KAZN: variants seen among roughly 807,000 people sequenced by gnomAD.
KAZN encodes the protein kazrin.
In KAZN, 40 loss-of-function variants were observed where a neutral mutation model predicts 87.4. That is an observed-to-expected ratio of 0.46 (90% confidence interval 0.36 to 0.60). The LOEUF (loss-of-function observed/expected upper bound fraction) is 0.60, where lower values mean the gene tolerates loss of function less well. KAZN is among the 20% of genes least tolerant of loss of function. KAZN has a pLI of 0.00. For missense variants in KAZN, 898 were observed against 1,073.9 expected, an observed-to-expected ratio of 0.84 and a Z score of 2.29; for synonymous variants, 466 against 458.3, an observed-to-expected ratio of 1.02 and a Z score of -0.22.
intron 1 of KAZN, among the ~76,000 whole-genome samples, chr1:14,874,227 A>T (rs771228499): frequency 3.3e-5 from 5 of 152,168 alleles, no homozygotes; most frequent in Non-Finnish European, 5.9e-5. Flanking sequence ...GAGTCCTCCA[A>T]CATTTGGAGG....
chr1:14,082,270 C>T (rs1643703481), intron 1 of KAZN, among the ~76,000 whole-genome samples: 1 of 152,204 alleles, frequency 6.6e-6, no homozygotes, highest in Non-Finnish European at 1.5e-5. Flanking sequence ...TGCTTGGAAT[C>T]AAATCCTACC....
intron 2 of KAZN, among the ~76,000 whole-genome samples, chr1:14,188,192 A>AGGGTGTGTGT (rs1553141838): frequency 1.2e-5 from 1 of 82,052 alleles, no homozygotes; most frequent in Non-Finnish European, 2.6e-5. Flanking sequence ...GAGAGAGAGG[A>AGGGTGTGTGT]GCGTGTGTGT....
intron 1 of KAZN, among the ~76,000 whole-genome samples, chr1:14,102,000 G>A (rs147345249): frequency 0.013 from 1,996 of 152,018 alleles, 57 homozygotes; most frequent in African/African-American, 0.045. Context: ...TGAACTTCAG[G>A]ATATTTTTAA....
chr1:14,286,237 G>C (rs182977364), intron 2 of KAZN, among the ~76,000 whole-genome samples: 19 of 151,532 alleles, frequency 1.3e-4, no homozygotes, highest in Admixed American at 1.2e-3. Context: ...CATTCTCCCC[G>C]TGTCTACACA....
At chr1:14,340,822 T>C (rs1657631647) in intron 2 of KAZN, among the ~76,000 whole-genome samples, 1 of 151,630 alleles carries the variant, frequency 6.6e-6, no homozygotes, top group Non-Finnish European at 1.5e-5. Context: ...GGTTCCTTCA[T>C]TATGAGTAAA....
intron 2 of KAZN, among the ~76,000 whole-genome samples, chr1:14,519,427 A>C (rs1238808284): frequency 6.6e-6 from 1 of 152,220 alleles, no homozygotes; most frequent in Non-Finnish European, 1.5e-5. Flanking sequence ...AGCCAAGAGC[A>C]GCATACATGT....
At chr1:14,408,575 G>A (rs915793221) in intron 2 of KAZN, among the ~76,000 whole-genome samples, 11 of 152,152 alleles carry the variant, frequency 7.2e-5, no homozygotes, top group South Asian at 2.1e-4. Flanking sequence ...AGGTTCCATC[G>A]TCTCAACTGT....
intron 8 of KAZN, among the ~76,000 whole-genome samples, chr1:15,073,783 C>A (rs1639619824): frequency 6.6e-6 from 1 of 152,246 alleles, no homozygotes; most frequent in Admixed American, 6.5e-5. Flanking sequence ...CTGACTGAGA[C>A]TTCTGTCCGG....
At chr1:14,736,262 T>G (rs1047663026) in intron 1 of KAZN, among the ~76,000 whole-genome samples, 3 of 94,138 alleles carry the variant, frequency 3.2e-5, no homozygotes, top group Non-Finnish European at 4.4e-5. Context: ...AGGGTGTGTG[T>G]GTGTGTGTGT....
chr1:14,483,713 G>C (rs751507116), intron 2 of KAZN, among the ~76,000 whole-genome samples: 1 of 152,220 alleles, frequency 6.6e-6, no homozygotes, highest in South Asian at 2.1e-4. Flanking sequence ...CCATTCAATA[G>C]GTTGTCTCTT....
intron 1 of KAZN, among the ~76,000 whole-genome samples, chr1:14,679,105 C>A (rs1291267388): frequency 6.6e-6 from 1 of 152,118 alleles, no homozygotes; most frequent in African/African-American, 2.4e-5. Flanking sequence ...TGCCTTTATT[C>A]GGGTATGGTG....
At chr1:14,515,585 G>C (rs1671257876) in intron 2 of KAZN, among the ~76,000 whole-genome samples, 4 of 152,112 alleles carry the variant, frequency 2.6e-5, no homozygotes, top group African/African-American at 9.7e-5. Context: ...CTCACTCACT[G>C]AGCTCCAGGC....
chr1:14,636,037 A>C (rs1020767725), intron 1 of KAZN, among the ~76,000 whole-genome samples: 2 of 152,220 alleles, frequency 1.3e-5, no homozygotes, highest in Non-Finnish European at 2.9e-5. Flanking sequence ...CCCCTCCTCC[A>C]CACTTCAACA....
chr1:14,533,787 G>A (rs550599068), intron 2 of KAZN, among the ~76,000 whole-genome samples: 1 of 152,108 alleles, frequency 6.6e-6, no homozygotes, highest in South Asian at 2.1e-4. Context: ...AAATGACTCT[G>A]GTATATTTTA....
chr1:14,736,254 GGTGT>G (rs528070001), intron 1 of KAZN, among the ~76,000 whole-genome samples: 1,339 of 115,186 alleles, frequency 0.012, 15 homozygotes, highest in South Asian at 0.037. Flanking sequence ...GGGACTCAAG[GGTGT>G]GTGTGTGTGT....
chr1:14,137,818 C>T (rs1442419280), intron 1 of KAZN, among the ~76,000 whole-genome samples: 1 of 150,100 alleles, frequency 6.7e-6, no homozygotes, highest in African/African-American at 2.5e-5. Context: ...AAGCGATTCT[C>T]CTGCCTCAGC....
rs569770241 is a variant in KAZN at position 14,561,301 on chromosome 1, T to C, written c.250-37682T>C. On this transcript the variant is annotated intron_variant, in intron 2 of 16. Coordinates refer to the KAZN transcript ENST00000636203. ...AAACACTCTGGGGTTTCCCAATAAC[T>C]TCTAGCTAATGGCACAGCTGATAAG... 3.6e-4 allele frequency among the ~76,000 whole-genome samples: 55 copies of C among 152,284 alleles called. No individual in the cohort carries two copies. The South Asian group carries it at 0.011, about 30-fold the overall frequency.
intron 2 of KAZN, among the ~76,000 whole-genome samples, chr1:14,555,400 C>T (rs961894684): frequency 1.2e-4 from 19 of 152,192 alleles, no homozygotes; most frequent in African/African-American, 3.6e-4. Context: ...GGCATAAATA[C>T]GGGATCTCCA....
chr1:14,755,245 C>CTCAAAA (rs1557456181), intron 1 of KAZN, among the ~76,000 whole-genome samples: 1 of 152,000 alleles, frequency 6.6e-6, no homozygotes, highest in Non-Finnish European at 1.5e-5. Context: ...AGAGTAAGAC[C>CTCAAAA]CTGTCTCAAA....
Sources: allele counts gnomAD v4.1 joint callset (sites outside exome capture counted in the v4.1 genomes callset), GRCh38; gene constraint gnomAD v4.1.1; transcripts MANE v1.5; gene names NCBI Gene and HGNC (gene_info 2026-07-23, HGNC 2026-07-21).